The following TOM1L2 variants were observed in gnomAD, a reference collection of about 807,000 sequenced individuals.
The protein encoded by TOM1L2 is target of myb1 like 2 membrane trafficking protein, also known as TOM1-like protein 2.
TOM1L2 carries 31 observed loss-of-function variants against 67.9 expected under a neutral mutation model. The observed-to-expected ratio is 0.46, with a 90% CI of 0.34 to 0.62. The LOEUF is 0.62. Among genes scored for constraint, TOM1L2 ranks in the 20% least tolerant of loss-of-function variants. The probability of loss-of-function intolerance (pLI) is 0.01; values close to 1 mark genes in which losing one functional copy is unlikely to be tolerated. For synonymous variants in TOM1L2, 256 were observed against 254.0 expected, an observed-to-expected ratio of 1.01 and a Z score of -0.07; for missense variants, 606 against 663.5, an observed-to-expected ratio of 0.91 and a Z score of 0.95.
In TOM1L2 at chr17:17,857,881, C is replaced by T. The variant is rs113361397; in HGVS notation, c.1278+3595G>A. ...CTCAGAAAGAAAAGTCACAGCAAGA[C>T]CCATGAGAAAGAAGTCAATAGCACA... is the stretch of plus-strand genomic sequence containing the variant. On this transcript the variant is annotated intron_variant, in intron 12 of 14. Coordinates refer to ENST00000379504, the MANE Select transcript of TOM1L2 (RefSeq NM_001082968.2). The T allele has an allele frequency of 1.1e-4, 170 of 1,530,208 alleles. 1 individual carries two copies. Among genetic ancestry groups the T allele is most frequent in the African/African-American group, 8.6e-4 (63 of 73,024 alleles). 94.8% of individuals were successfully genotyped at this position (1,530,208 alleles called of 1,614,324 possible). A position where few individuals can be genotyped will look rare whatever the true frequency, so the allele number is the denominator to read the frequency against.
chr17:17,907,767 C>T (rs765614583), intron 1 of TOM1L2, among the ~76,000 whole-genome samples: 3 of 152,162 alleles, frequency 2.0e-5, no homozygotes, highest in Non-Finnish European at 2.9e-5. Flanking sequence ...AAGCTTATGA[C>T]AGGCCTAAGC....
At position 17,866,916 on chromosome 17, in the gene TOM1L2, C is replaced by T. The variant is rs770717113; in HGVS notation, c.920G>A (p.Arg307Gln). ...NVFLRYERFE[R>Q]YRSGRSVQNA... ...TTGAACGGATCGGCCAGACCTGTATCGTTCGAACCTAACAGGGGAAGGGAA... is the reference window on the plus strand; with the variant it reads ...TTGAACGGATCGGCCAGACCTGTATTGTTCGAACCTAACAGGGGAAGGGAA... The change falls in exon 9 of 15, where the codon CGA (arginine) becomes CAA (glutamine). Residue 307 changes from arginine (R) to glutamine (Q), a missense_variant. Physicochemically the swap from Arg to Gln is conservative, Grantham distance 43. Transcript: ENST00000379504. The T allele has an allele frequency of 6.2e-6, 10 of 1,613,992 alleles. No homozygotes were observed. The highest frequency in any genetic ancestry group is 5.0e-5 in the Admixed American group (3 of 60,018).
chr17:17,970,764 G>C lies in TOM1L2; in HGVS notation c.52+1498C>G, dbSNP rs148054363. 4.3e-3 allele frequency among the ~76,000 whole-genome samples: 652 copies of C among 151,554 alleles called. 5 individuals carry two copies. Among genetic ancestry groups the C allele is most frequent in the Non-Finnish European group, 7.2e-3 (487 of 67,738 alleles). ...CAATAAGTTTATAGGCTCCACTAAA[G>C]GCTGGAAAGTAAGCTAAAATTTCAT... On this transcript the variant is annotated intron_variant, in intron 1 of 14. Coordinates refer to ENST00000379504, the MANE Select transcript of TOM1L2 (RefSeq NM_001082968.2).
intron 1 of TOM1L2, among the ~76,000 whole-genome samples, chr17:17,930,854 A>G (rs1220059691): frequency 2.0e-5 from 3 of 152,206 alleles, no homozygotes; most frequent in African/African-American, 4.8e-5. Context: ...GGGAAAGACA[A>G]TGAGTTTCCA....
At position 17,879,690 on chromosome 17, in the gene TOM1L2, C is replaced by T; in HGVS notation, c.714G>A (p.Met238Ile). Residue 238 changes from methionine (M) to isoleucine (I), a missense_variant, in exon 7 of 15, where the codon ATG (methionine) becomes ATA (isoleucine). Physicochemically the swap from Met to Ile is conservative, Grantham distance 10. Transcript: ENST00000379504. ...GGACCATTTCTGTTAACATCTCAGA[C>T]ATGACTTTTGTGTTTCCTCGAACGA... ...LDVVRGNTKV[M>I]SEMLTEMVPG... 1 of 1,614,230 alleles carries T rather than the reference C, an allele frequency of 6.2e-7. No homozygotes were observed. The highest frequency in any genetic ancestry group is 2.2e-5 in the East Asian group (1 of 44,884).
chr17:17,956,533 G>T (rs1756346595), intron 1 of TOM1L2, among the ~76,000 whole-genome samples: 1 of 152,238 alleles, frequency 6.6e-6, no homozygotes, highest in African/African-American at 2.4e-5. Context: ...GGGACCGGGC[G>T]CAGTGGAGCA....
At chr17:17,944,832 G>T (rs896463262) in intron 1 of TOM1L2, among the ~76,000 whole-genome samples, 3 of 152,194 alleles carry the variant, frequency 2.0e-5, no homozygotes, top group Non-Finnish European at 4.4e-5. Context: ...TAACAGAGGA[G>T]AACAAATGCT....
intron 1 of TOM1L2, among the ~76,000 whole-genome samples, chr17:17,926,860 A>G (rs1315463178): frequency 6.6e-6 from 1 of 152,196 alleles, no homozygotes; most frequent in Non-Finnish European, 1.5e-5. Context: ...TCTGTCTCAA[A>G]AAAAAGGAAG....
At chr17:17,912,305 C>G (rs1235692395) in intron 1 of TOM1L2, among the ~76,000 whole-genome samples, 2 of 145,206 alleles carry the variant, frequency 1.4e-5, no homozygotes, top group Admixed American at 1.4e-4. Context: ...ACCTCCCTCC[C>G]GGACGGGGTG....
chr17:17,968,891 C>A (rs1381239544), intron 1 of TOM1L2, among the ~76,000 whole-genome samples: 1 of 151,996 alleles, frequency 6.6e-6, no homozygotes, highest in East Asian at 1.9e-4. Flanking sequence ...TTATGAACAG[C>A]CCTCAGACTC....
chr17:17,970,002 C>T (rs570271192), intron 1 of TOM1L2, among the ~76,000 whole-genome samples: 2 of 152,198 alleles, frequency 1.3e-5, no homozygotes, highest in South Asian at 2.1e-4. Flanking sequence ...AAGCTCTTTC[C>T]ACTTGCTATA....
intron 5 of TOM1L2, 47 bp from the exon 6 acceptor site, chr17:17,882,910 T>C (rs754305360): frequency 2.5e-6 from 4 of 1,605,788 alleles, no homozygotes; most frequent in African/African-American, 1.3e-5. Flanking sequence ...GCTGCCTGCA[T>C]AGCTGGACCT....
At chr17:17,897,844 T>C (rs112479495) in intron 3 of TOM1L2, among the ~76,000 whole-genome samples, 38 of 152,224 alleles carry the variant, frequency 2.5e-4, no homozygotes, top group African/African-American at 8.9e-4. Flanking sequence ...TGGAGGGTGG[T>C]TGTAAACATA....
At position 17,843,514 on chromosome 17, in the gene TOM1L2, G is replaced by C. The variant is rs1328023137; in HGVS notation, c.*4121C>G. Reference sequence around the variant, plus strand: ...TCAACAGACCACACAGGCATAATTTGTTCAATTATTTATTTATTGTGGAGT... The same window carrying C: ...TCAACAGACCACACAGGCATAATTTCTTCAATTATTTATTTATTGTGGAGT... On this transcript the variant is annotated 3_prime_UTR_variant, in exon 15 of 15. Transcript: ENST00000379504. 2 of 152,176 alleles carry C rather than the reference G, an allele frequency of 1.3e-5. No individual in the cohort carries two copies. Among genetic ancestry groups the C allele is most frequent in the East Asian group, 3.9e-4 (2 of 5,194 alleles). The allele number at this position is 152,176 out of a possible 1,614,324, so 9.4% of individuals were successfully genotyped here.
chr17:17,880,510 T>C (rs2037668963), intron 6 of TOM1L2, among the ~76,000 whole-genome samples: 1 of 152,226 alleles, frequency 6.6e-6, no homozygotes, highest in Non-Finnish European at 1.5e-5. Context: ...CCTCGAAGGA[T>C]CTGCAGAAAC....
intron 1 of TOM1L2, among the ~76,000 whole-genome samples, chr17:17,909,729 C>T (rs1222098571): frequency 2.6e-5 from 4 of 152,096 alleles, no homozygotes; most frequent in African/African-American, 7.2e-5. Context: ...GAACTGTATA[C>T]TTTAAAATGG....
intron 8 of TOM1L2, 23 bp downstream of exon 8, chr17:17,869,317 A>G (rs866520047): frequency 1.2e-6 from 2 of 1,605,480 alleles, no homozygotes; most frequent in Non-Finnish European, 1.7e-6. Flanking sequence ...GGAAAAAAAA[A>G]AAAAAAGAAA....
intron 1 of TOM1L2, among the ~76,000 whole-genome samples, chr17:17,915,730 C>A (rs1209318457): frequency 6.6e-6 from 1 of 152,112 alleles, no homozygotes; most frequent in Admixed American, 6.5e-5. Context: ...CTATGTTACC[C>A]AGGCTGATCT....
intron 6 of TOM1L2, 43 bp from the exon 7 acceptor site, chr17:17,879,786 G>A (rs1161781130): frequency 8.1e-6 from 12 of 1,483,512 alleles, no homozygotes; most frequent in Non-Finnish European, 1.0e-5. Flanking sequence ...GGAAAGGTCA[G>A]TCAGCCTGCA....
Sources: allele counts gnomAD v4.1 joint callset (sites outside exome capture counted in the v4.1 genomes callset), GRCh38; gene constraint gnomAD v4.1.1; transcripts MANE v1.5; gene names NCBI Gene and HGNC (gene_info 2026-07-23, HGNC 2026-07-21).